NAMPT: variants seen among roughly 807,000 people sequenced by gnomAD.
NAMPT encodes the protein NAmPRTase.
Under a neutral mutation model 58.7 loss-of-function variants are expected in NAMPT, and 7 were observed. The ratio of observed to expected loss-of-function variants is 0.12; its 90% CI spans 0.07 to 0.22. The LOEUF (loss-of-function observed/expected upper bound fraction) is 0.22. Ranked by LOEUF, NAMPT falls within the 10% of genes least tolerant of loss-of-function variation. The pLI is 1.00. For synonymous variants in NAMPT, 145 were observed against 198.1 expected, an observed-to-expected ratio of 0.73 and a Z score of 2.25; for missense variants, 271 against 567.9, an observed-to-expected ratio of 0.48 and a Z score of 5.31.
At chr7:106,266,925 CCTTA>C (rs1562815551) in intron 6 of NAMPT, among the ~76,000 whole-genome samples, 1 of 152,130 alleles carries the variant, frequency 6.6e-6, no homozygotes, top group Non-Finnish European at 1.5e-5. Flanking sequence ...ATATGAGCGC[CCTTA>C]CTAACCTGAA....
At chr7:106,265,530 C>A (rs1792393094) in intron 6 of NAMPT, among the ~76,000 whole-genome samples, 1 of 140,292 alleles carries the variant, frequency 7.1e-6, no homozygotes, top group South Asian at 2.2e-4. Flanking sequence ...AGGCACTTGT[C>A]TTCTGTAACA....
intron 9 of NAMPT, 64 bp from the exon 10 acceptor site, chr7:106,253,215 C>G: frequency 5.8e-6 from 9 of 1,545,124 alleles, no homozygotes; most frequent in Non-Finnish European, 7.0e-6. Flanking sequence ...TCTAAACACT[C>G]CCTTACAAAA....
chr7:106,272,695 G>C (rs375379216), intron 3 of NAMPT, 37 bp from the exon 4 acceptor site: 18 of 1,605,970 alleles, frequency 1.1e-5, no homozygotes, highest in African/African-American at 2.7e-5. Context: ...TTATTCAACA[G>C]ATGATACTCA....
At position 106,251,053 on chromosome 7, in the gene NAMPT, A is replaced by G; in HGVS notation, c.*30T>C. 3 of 1,413,870 alleles carry G rather than the reference A, an allele frequency of 2.1e-6. No individual in the cohort carries two copies. The highest frequency in any genetic ancestry group is 3.0e-6 in the Non-Finnish European group (3 of 1,004,962). The allele number at this position is 1,413,870 out of a possible 1,614,324, so 87.6% of individuals were successfully genotyped here. On this transcript the variant is annotated 3_prime_UTR_variant, in exon 11 of 11. Coordinates refer to ENST00000222553, the MANE Select transcript of NAMPT (RefSeq NM_005746.3). ...CTGTACAATAAACATTATGTATTAC[A>G]TACACACAACACACACCCAGTCATA...
At chr7:106,261,802 G>C in intron 7 of NAMPT, 95 bp from the exon 8 acceptor site, 29 of 1,342,134 alleles carry the variant, frequency 2.2e-5, no homozygotes, top group Non-Finnish European at 3.0e-5. Context: ...TGATAATCGA[G>C]AATATAAAAA....
rs1477699848 is a variant in NAMPT, at chr7:106,250,049, T to G, written c.*1034A>C. 6.6e-6 allele frequency: 1 copy of G among 152,232 alleles called. No individual in the cohort carries two copies. The highest frequency in any genetic ancestry group is 1.9e-4 in the East Asian group (1 of 5,202). 9.4% of individuals were successfully genotyped at this position (152,232 alleles called of 1,614,324 possible). ...AATTAATAAATGATGTCCATACAAT[T>G]TAATATCCAATTTAATTTTTTAAAA... is the stretch of plus-strand genomic sequence containing the variant. On this transcript the variant is annotated 3_prime_UTR_variant, in exon 11 of 11. Coordinates refer to ENST00000222553, the MANE Select transcript of NAMPT (RefSeq NM_005746.3).
At chr7:106,262,063 A>C (rs1460375827) in intron 7 of NAMPT, among the ~76,000 whole-genome samples, 4 of 152,084 alleles carry the variant, frequency 2.6e-5, no homozygotes, top group Non-Finnish European at 5.9e-5. Context: ...TAACAAACTC[A>C]TGATTATACT....
intron 8 of NAMPT, among the ~76,000 whole-genome samples, chr7:106,259,319 T>C (rs185821994): frequency 6.6e-6 from 1 of 152,324 alleles, no homozygotes; most frequent in East Asian, 1.9e-4. Context: ...TTGGAATCAA[T>C]TTCTTCCAAA....
At chr7:106,267,864 A>AAAAC (rs1792453032) in intron 6 of NAMPT, among the ~76,000 whole-genome samples, 2 of 135,374 alleles carry the variant, frequency 1.5e-5, no homozygotes, top group African/African-American at 5.7e-5. Flanking sequence ...AAAAAAAAAA[A>AAAAC]AAAAAAAAAA....
At chr7:106,258,716 A>C (rs1327033868) in intron 8 of NAMPT, among the ~76,000 whole-genome samples, 1 of 152,222 alleles carries the variant, frequency 6.6e-6, no homozygotes, top group Non-Finnish European at 1.5e-5. Context: ...ATGTCTTAAA[A>C]ATACATACCT....
intron 8 of NAMPT, among the ~76,000 whole-genome samples, chr7:106,255,593 G>C (rs1792185640): frequency 6.6e-6 from 1 of 152,158 alleles, no homozygotes; most frequent in South Asian, 2.1e-4. Context: ...ATTTAGAAAT[G>C]CAACTTTCTT....
At chr7:106,276,817 G>T in intron 2 of NAMPT, 1 of 460,142 alleles carries the variant, frequency 2.2e-6, no homozygotes, top group South Asian at 2.2e-5. Context: ...ACTCCAGCCT[G>T]GCCAACAAGA....
chr7:106,283,717 G>A (rs1008064898), intron 1 of NAMPT, among the ~76,000 whole-genome samples: 20 of 152,058 alleles, frequency 1.3e-4, no homozygotes, highest in Non-Finnish European at 5.9e-5. Flanking sequence ...ATCTTGGCTC[G>A]ATTTCAAGAA....
In NAMPT at chr7:106,251,004, T is replaced by C. The variant is rs1257960977; in HGVS notation, c.*79A>G. Reference sequence around the variant, plus strand: ...CAACAAATAATTTGGCTGTAATGTATCATAAAACACAAACCCCACACATCT... The same window carrying C: ...CAACAAATAATTTGGCTGTAATGTACCATAAAACACAAACCCCACACATCT... On this transcript the variant is annotated 3_prime_UTR_variant, in exon 11 of 11. Coordinates refer to ENST00000222553, the MANE Select transcript of NAMPT (RefSeq NM_005746.3). 5.5e-6 allele frequency: 6 copies of C among 1,095,858 alleles called. No individual in the cohort carries two copies. In the Admixed American group the frequency reaches 5.6e-5, roughly 10 times the overall value. The allele number at this position is 1,095,858 out of a possible 1,614,324, so 67.9% of individuals were successfully genotyped here.
intron 3 of NAMPT, among the ~76,000 whole-genome samples, chr7:106,274,313 A>G (rs902392013): frequency 1.3e-5 from 2 of 152,002 alleles, no homozygotes; most frequent in African/African-American, 4.8e-5. Context: ...TCAAGAATGA[A>G]TTATCTTTCT....
At chr7:106,276,859 CCTTTT>C (rs1433054168) in intron 2 of NAMPT, 159 bp downstream of exon 2, 7 of 541,872 alleles carry the variant, frequency 1.3e-5, no homozygotes, top group Non-Finnish European at 2.2e-5. Flanking sequence ...AAAAAAAAAA[CCTTTT>C]ATTTCAGAAA....
chr7:106,270,210 T>A lies in NAMPT; in HGVS notation c.448-898A>T, dbSNP rs147970939. The A allele has an allele frequency of 5.8e-3, 1,957 of 336,346 alleles. 46 individuals are homozygous for A. Among genetic ancestry groups the A allele is most frequent in the African/African-American group, 0.041 (1,833 of 45,160 alleles). 20.8% of individuals were successfully genotyped at this position (336,346 alleles called of 1,614,324 possible). ...AGCAACCGTAATAATTATCATGGCT[T>A]AGAAATTCACTTCTTCATTCTAAGA... On this transcript the variant is annotated intron_variant, in intron 4 of 10. Transcript: ENST00000222553.
intron 8 of NAMPT, among the ~76,000 whole-genome samples, chr7:106,260,010 T>C (rs1433480740): frequency 6.6e-6 from 1 of 151,958 alleles, no homozygotes; most frequent in Non-Finnish European, 1.5e-5. Context: ...GCAGAGTAGA[T>C]TCAGCAAATT....
At chr7:106,262,172 CTG>C (rs1241556881) in intron 7 of NAMPT, among the ~76,000 whole-genome samples, 1 of 151,988 alleles carries the variant, frequency 6.6e-6, no homozygotes. Flanking sequence ...TTCAGAGAAA[CTG>C]TGAAAGGCAG....
Sources: allele counts gnomAD v4.1 joint callset (sites outside exome capture counted in the v4.1 genomes callset), GRCh38; gene constraint gnomAD v4.1.1; transcripts MANE v1.5; gene names NCBI Gene and HGNC (gene_info 2026-07-23, HGNC 2026-07-21).